The following DCC variants were observed in gnomAD, a reference collection of about 807,000 sequenced individuals.
The protein encoded by DCC is DCC netrin 1 receptor, also known as netrin receptor DCC.
In DCC, 58 loss-of-function variants were observed where a neutral mutation model predicts 172.5. The observed-to-expected ratio is 0.34, with a 90% CI of 0.27 to 0.42. The LOEUF is 0.42. Among genes scored for constraint, DCC ranks in the 10% least tolerant of loss-of-function variants. DCC has a pLI of 1.00. For missense variants in DCC, 1,740 were observed against 1,791.0 expected, an observed-to-expected ratio of 0.97 and a Z score of 0.51; for synonymous variants, 709 against 644.5, an observed-to-expected ratio of 1.10 and a Z score of -1.52.
intron 1 of DCC, among the ~76,000 whole-genome samples, chr18:52,407,118 G>A (rs1986680405): frequency 1.3e-5 from 2 of 151,966 alleles, no homozygotes; most frequent in Admixed American, 1.3e-4. Flanking sequence ...TGTCACTCCT[G>A]CAGCTAGGTG....
At chr18:52,956,821 T>C (rs1414830870) in intron 5 of DCC, among the ~76,000 whole-genome samples, 1 of 152,150 alleles carries the variant, frequency 6.6e-6, no homozygotes, top group East Asian at 1.9e-4. Context: ...TTTGTAAACA[T>C]GTTTTAATTA....
At chr18:52,904,679 C>A (rs2039855328) in intron 2 of DCC, among the ~76,000 whole-genome samples, 1 of 152,156 alleles carries the variant, frequency 6.6e-6, no homozygotes, top group Non-Finnish European at 1.5e-5. Context: ...GGAATGTTGA[C>A]TTAAATCTAT....
chr18:52,446,117 T>C (rs1172394612), intron 1 of DCC, among the ~76,000 whole-genome samples: 1 of 152,236 alleles, frequency 6.6e-6, no homozygotes, highest in African/African-American at 2.4e-5. Flanking sequence ...GTATTTTTAG[T>C]AGAGACGGGG....
intron 2 of DCC, among the ~76,000 whole-genome samples, chr18:52,903,030 C>G (rs1354365862): frequency 6.6e-6 from 1 of 152,076 alleles, no homozygotes; most frequent in Non-Finnish European, 1.5e-5. Context: ...AATATGCAAT[C>G]CCAGCCTTTG....
chr18:53,361,306 C>A lies in DCC; in HGVS notation c.2359+21399C>A, dbSNP rs114868551. Among the ~76,000 whole-genome samples, 164 of 152,276 alleles carry A rather than the reference C, an allele frequency of 1.1e-3. 2 individuals are homozygous for A. Among genetic ancestry groups the A allele is most frequent in the African/African-American group, 3.8e-3 (158 of 41,562 alleles). On this transcript the variant is annotated intron_variant, in intron 15 of 28. Coordinates refer to ENST00000442544, the MANE Select transcript of DCC (RefSeq NM_005215.4). ...GTTTAAGTTTGTGTATTTGTTATGG[C>A]AGCTCTAGAAAATCAATACAAAACC...
At chr18:52,836,403 C>T (rs2038705478) in intron 2 of DCC, among the ~76,000 whole-genome samples, 1 of 152,148 alleles carries the variant, frequency 6.6e-6, no homozygotes, top group Non-Finnish European at 1.5e-5. Flanking sequence ...AAGGCAAGTC[C>T]CTTCCACCTC....
chr18:53,509,706 A>ATGATT (rs2046227031), intron 27 of DCC, among the ~76,000 whole-genome samples: 1 of 152,186 alleles, frequency 6.6e-6, no homozygotes, highest in Admixed American at 6.5e-5. Flanking sequence ...AGTGTCTCAG[A>ATGATT]TGATTTATTA....
chr18:53,185,945 A>T (rs2055275142), intron 9 of DCC, among the ~76,000 whole-genome samples: 1 of 152,214 alleles, frequency 6.6e-6, no homozygotes, highest in Middle Eastern at 3.2e-3. Flanking sequence ...AAGTTAGTTA[A>T]TCACATTAAA....
chr18:52,712,442 G>T (rs2036308711), intron 1 of DCC, among the ~76,000 whole-genome samples: 1 of 152,054 alleles, frequency 6.6e-6, no homozygotes, highest in Non-Finnish European at 1.5e-5. Context: ...ACATGCATTA[G>T]CTACTCAATC....
Position 53,098,938 on chromosome 18 carries a change from C to A in DCC, c.1261+32772C>A, listed in dbSNP as rs569503058. On this transcript the variant is annotated intron_variant, in intron 7 of 28. Coordinates refer to ENST00000442544, the MANE Select transcript of DCC (RefSeq NM_005215.4). ...AGACAGAGAGGATTGCTTGAGCCCA[C>A]GAATTCAAGGCTGCAGTTAGCTGTG... 5.9e-5 allele frequency among the ~76,000 whole-genome samples: 9 copies of A among 152,072 alleles called. No individual in the cohort carries two copies. The East Asian group carries it at 1.2e-3, about 20-fold the overall frequency.
intron 5 of DCC, among the ~76,000 whole-genome samples, chr18:53,014,674 A>G (rs907454080): frequency 6.6e-6 from 1 of 152,122 alleles, no homozygotes; most frequent in African/African-American, 2.4e-5. Context: ...AAATTTAAAG[A>G]GAAGATACAG....
At chr18:52,459,748 C>A (rs777644673) in intron 1 of DCC, among the ~76,000 whole-genome samples, 6 of 152,038 alleles carry the variant, frequency 3.9e-5, no homozygotes, top group African/African-American at 1.4e-4. Context: ...GGATTACAGG[C>A]GTGAGCAACC....
At chr18:53,400,521 A>G (rs1309150004) in intron 18 of DCC, among the ~76,000 whole-genome samples, 2 of 152,178 alleles carry the variant, frequency 1.3e-5, no homozygotes, top group East Asian at 3.8e-4. Flanking sequence ...GCAGAACTCA[A>G]GAACTCAGGA....
chr18:52,745,293 C>T (rs2036889763), intron 1 of DCC, among the ~76,000 whole-genome samples: 1 of 152,132 alleles, frequency 6.6e-6, no homozygotes, highest in African/African-American at 2.4e-5. Context: ...TATGAAAAGT[C>T]ATGGCAAGAT....
chr18:52,606,433 T>G (rs2034132367), intron 1 of DCC, among the ~76,000 whole-genome samples: 1 of 152,142 alleles, frequency 6.6e-6, no homozygotes, highest in Non-Finnish European at 1.5e-5. Flanking sequence ...AAAACAATAT[T>G]ATTTCTGTTT....
At chr18:53,510,928 T>C (rs2046243758) in intron 27 of DCC, among the ~76,000 whole-genome samples, 1 of 152,228 alleles carries the variant, frequency 6.6e-6, no homozygotes, top group Admixed American at 6.5e-5. Context: ...CTCAGCTTTC[T>C]ATCAAAGCCT....
intron 27 of DCC, among the ~76,000 whole-genome samples, chr18:53,511,775 TGA>T (rs1271136953): frequency 1.3e-5 from 2 of 152,184 alleles, no homozygotes; most frequent in Non-Finnish European, 2.9e-5. Flanking sequence ...CGGCGCATCA[TGA>T]GAGTATATCC....
chr18:52,964,086 G>T (rs927703834), intron 5 of DCC, among the ~76,000 whole-genome samples: 4 of 152,076 alleles, frequency 2.6e-5, no homozygotes, highest in African/African-American at 9.7e-5. Flanking sequence ...GTTAGAGACA[G>T]GCATATTCAG....
chr18:53,267,601 G>A (rs2056696123), intron 12 of DCC, among the ~76,000 whole-genome samples: 1 of 152,026 alleles, frequency 6.6e-6, no homozygotes, highest in African/African-American at 2.4e-5. Context: ...TAGAACCACA[G>A]GCATGAATAA....
Sources: gnomAD v4.1 joint callset for allele counts (sites outside exome capture counted in the v4.1 genomes callset) on GRCh38, gnomAD v4.1.1 for gene constraint, MANE v1.5 for transcripts, NCBI Gene and HGNC (gene_info 2026-07-23, HGNC 2026-07-21) for gene names.